The following TMBIM4 variants were observed in gnomAD, a reference collection of about 807,000 sequenced individuals.
The protein encoded by TMBIM4 is transmembrane BAX inhibitor motif containing 4, also known as protein lifeguard 4.
A neutral mutation model predicts 27.7 loss-of-function variants in TMBIM4; 28 were observed. That is an observed-to-expected ratio of 1.01 (90% confidence interval 0.75 to 1.38). The LOEUF (loss-of-function observed/expected upper bound fraction) is 1.38, where lower values mean the gene tolerates loss of function less well. Ranked by LOEUF, TMBIM4 falls within the 40% of genes most tolerant of loss-of-function variation. The probability of loss-of-function intolerance (pLI) is 0.00; values close to 1 mark genes in which losing one functional copy is unlikely to be tolerated. For missense variants in TMBIM4, 265 were observed against 277.5 expected (o/e 0.95, Z 0.32); for synonymous variants, 115 against 113.1 (o/e 1.02, Z -0.11).
At chr12:66,149,377 A>C (rs1194081427) in intron 3 of TMBIM4, among the ~76,000 whole-genome samples, 5 of 147,826 alleles carry the variant, frequency 3.4e-5, no homozygotes, top group Non-Finnish European at 7.4e-5. Context: ...CCCAGGAGGC[A>C]GAGGTTGCAG....
In TMBIM4 at chr12:66,137,034, A is replaced by C. The variant is rs1312894061; in HGVS notation, c.*926T>G. Reference sequence around the variant, plus strand: ...AACCACATTACCATTCTATAATTTCAAATGAAATCTATACTTTAAAAACAA... The same window carrying C: ...AACCACATTACCATTCTATAATTTCCAATGAAATCTATACTTTAAAAACAA... On this transcript the variant is annotated 3_prime_UTR_variant, in exon 7 of 7. Coordinates refer to ENST00000358230, the MANE Select transcript of TMBIM4 (RefSeq NM_016056.4). 1.3e-5 allele frequency: 2 copies of C among 152,270 alleles called. No individual in the cohort carries two copies. Among genetic ancestry groups the C allele is most frequent in the African/African-American group, 4.8e-5 (2 of 41,478 alleles). The allele number at this position is 152,270 out of a possible 1,614,324, so 9.4% of individuals were successfully genotyped here.
chr12:66,154,506 G>A (rs993685070), intron 1 of TMBIM4, among the ~76,000 whole-genome samples: 1 of 152,156 alleles, frequency 6.6e-6, no homozygotes, highest in South Asian at 2.1e-4. Context: ...TTACTAGTCA[G>A]GGAAGAGAAA....
chr12:66,149,034 A>G (rs1281797510), intron 3 of TMBIM4, among the ~76,000 whole-genome samples: 1 of 152,212 alleles, frequency 6.6e-6, no homozygotes, highest in African/African-American at 2.4e-5. Flanking sequence ...AACCATCAGC[A>G]CCAGAGCAAA....
At chr12:66,139,583 C>CG in intron 5 of TMBIM4, 1 of 455,686 alleles carries the variant, frequency 2.2e-6, no homozygotes, top group South Asian at 1.5e-5. Flanking sequence ...CAGTCACTTG[C>CG]GGTCTCCTTG....
intron 5 of TMBIM4, among the ~76,000 whole-genome samples, chr12:66,143,375 C>A (rs562936715): frequency 6.6e-6 from 1 of 152,234 alleles, no homozygotes; most frequent in Admixed American, 6.5e-5. Context: ...AAATAACTTA[C>A]AAACAGTGAT....
chr12:66,145,841 C>T lies in TMBIM4; in HGVS notation c.464G>A (p.Gly155Glu). The change falls in exon 5 of 7, where the codon GGG (glycine) becomes GAG (glutamate). Residue 155 changes from glycine to glutamate, a missense_variant and splice_region_variant. Gly to Glu is a moderately conservative substitution (Grantham distance 98, BLOSUM62 -2). Coordinates refer to ENST00000358230, the MANE Select transcript of TMBIM4 (RefSeq NM_016056.4). ...ATATCCAAGAATATATACAACTTAC[C>T]CTGCTCCAAATTTGCTGAAATCCTT... Reference protein sequence around the residue: ...SKKDFSKFGAGLFALLWILCL... With the variant: ...SKKDFSKFGAELFALLWILCL... 1.9e-6 allele frequency: 3 copies of T among 1,545,260 alleles called. No individual in the cohort carries two copies. Among genetic ancestry groups the T allele is most frequent in the Non-Finnish European group, 2.7e-6 (3 of 1,123,608 alleles).
chr12:66,156,512 TTC>T (rs71807233), intron 1 of TMBIM4, among the ~76,000 whole-genome samples: 9,754 of 152,212 alleles, frequency 0.064, 1,028 homozygotes, highest in African/African-American at 0.22. Flanking sequence ...TGGAGGAACC[TTC>T]TGATTGGTCC....
chr12:66,157,101 C>T (rs2051949292), intron 1 of TMBIM4, among the ~76,000 whole-genome samples: 2 of 152,080 alleles, frequency 1.3e-5, no homozygotes, highest in African/African-American at 4.8e-5. Flanking sequence ...ATCTGTTGTA[C>T]CATCGCCCTT....
intron 1 of TMBIM4, among the ~76,000 whole-genome samples, chr12:66,155,333 T>TGAGAGAGAGAGAGAGA (rs1395788670): frequency 1.2e-4 from 9 of 72,596 alleles, no homozygotes; most frequent in Non-Finnish European, 2.1e-4. Flanking sequence ...TGTGCACACG[T>TGAGAGAGAGAGAGAGA]GTGAGAGAGA....
Position 66,145,871 on chromosome 12 carries a change from G to A in TMBIM4, c.434C>T (p.Ser145Phe), listed in dbSNP as rs1438824255. The change falls in exon 5 of 7, where the codon TCT (serine) becomes TTT (phenylalanine). Residue 145 changes from serine to phenylalanine, a missense_variant. Ser to Phe is a radical substitution (Grantham distance 155). Transcript: ENST00000358230. ...FFGLTVYTLQSKKDFSKFGAG... is the reference protein window; with the variant it reads ...FFGLTVYTLQFKKDFSKFGAG... ...TCCAAATTTGCTGAAATCCTTCTTA[G>A]ATTGTAGAGTATACACAGTCAAACC... 9.3e-6 allele frequency: 15 copies of A among 1,605,538 alleles called. No individual in the cohort carries two copies. The highest frequency in any genetic ancestry group is 1.3e-5 in the Non-Finnish European group (15 of 1,173,780).
chr12:66,139,608 G>C (rs1186396694), intron 5 of TMBIM4: 1 of 455,944 alleles, frequency 2.2e-6, no homozygotes, highest in East Asian at 7.0e-5. Flanking sequence ...GAGCAGACAA[G>C]AATTCAGAGG....
Position 66,169,218 on chromosome 12 carries a change from T to A in TMBIM4, c.97+637A>T, listed in dbSNP as rs1221091244. 3 of 696,532 alleles carry A rather than the reference T, an allele frequency of 4.3e-6. No homozygotes were observed. The African/African-American group carries it at 5.3e-5, about 12-fold the overall frequency. The allele number at this position is 696,532 out of a possible 1,614,324, so 43.1% of individuals were successfully genotyped here. A position where few individuals can be genotyped will look rare whatever the true frequency, so the allele number is the denominator to read the frequency against. ...GCAATGGCTTCCACGTAGATGAAGCTGAGCATTTTAAATTCAAAAATTTCT... is the reference window on the plus strand; with the variant it reads ...GCAATGGCTTCCACGTAGATGAAGCAGAGCATTTTAAATTCAAAAATTTCT... On this transcript the variant is annotated intron_variant, in intron 1 of 6. Transcript: ENST00000358230.
chr12:66,169,357 CG>C, intron 1 of TMBIM4: 2 of 657,078 alleles, frequency 3.0e-6, no homozygotes, highest in Non-Finnish European at 2.7e-6. Context: ...CTGGGCCCTG[CG>C]GAGAGGAAAT....
chr12:66,168,951 G>T (rs1565790748), intron 1 of TMBIM4: 1 of 205,742 alleles, frequency 4.9e-6, no homozygotes, highest in Non-Finnish European at 9.8e-6. Context: ...TTAAAAAAAA[G>T]CTGAGTTCAC....
chr12:66,161,466 T>C (rs2052040063), intron 1 of TMBIM4, among the ~76,000 whole-genome samples: 1 of 152,160 alleles, frequency 6.6e-6, no homozygotes, highest in Non-Finnish European at 1.5e-5. Flanking sequence ...GTCTCGAACT[T>C]ACGCAATCTG....
chr12:66,162,149 A>G (rs1031760559), intron 1 of TMBIM4, among the ~76,000 whole-genome samples: 4 of 151,980 alleles, frequency 2.6e-5, no homozygotes, highest in Non-Finnish European at 2.9e-5. Context: ...CTCATCACAA[A>G]TTCTGTCTCC....
chr12:66,162,321 A>G (rs1485117446), intron 1 of TMBIM4, among the ~76,000 whole-genome samples: 1 of 152,246 alleles, frequency 6.6e-6, no homozygotes, highest in Non-Finnish European at 1.5e-5. Flanking sequence ...AACTTTTATT[A>G]TAGTATATTG....
intron 2 of TMBIM4, 38 bp downstream of exon 2, chr12:66,153,302 A>G (rs1185795679): frequency 2.5e-6 from 3 of 1,187,424 alleles, no homozygotes; most frequent in African/African-American, 1.5e-5. Flanking sequence ...ATCATATGCA[A>G]TGTCTGAAAA....
chr12:66,145,089 C>T (rs1340230521), intron 5 of TMBIM4, among the ~76,000 whole-genome samples: 4 of 152,158 alleles, frequency 2.6e-5, no homozygotes, highest in Admixed American at 6.5e-5. Flanking sequence ...CTAAATCAAA[C>T]TCCATTCTAA....
Sources: allele counts gnomAD v4.1 joint callset (sites outside exome capture counted in the v4.1 genomes callset), GRCh38; gene constraint gnomAD v4.1.1; transcripts MANE v1.5; gene names NCBI Gene and HGNC (gene_info 2026-07-23, HGNC 2026-07-21).